The following CLCN5 variants were observed in gnomAD, a reference collection of about 807,000 sequenced individuals.
The protein encoded by CLCN5 is H(+)/Cl(-) exchange transporter 5.
Under a neutral mutation model 54.0 loss-of-function variants are expected in CLCN5, and 17 were observed. That is an observed-to-expected ratio of 0.31 (90% confidence interval 0.22 to 0.47). CLCN5 has a LOEUF of 0.47. Among genes scored for constraint, CLCN5 ranks in the 20% least tolerant of loss-of-function variants. The pLI is 1.00. For synonymous variants in CLCN5, 222 were observed against 233.0 expected, an observed-to-expected ratio of 0.95 and a Z score of 0.43; for missense variants, 448 against 646.7, an observed-to-expected ratio of 0.69 and a Z score of 3.33.
chrX:49,996,605 T>C (rs1472813291), intron 3 of CLCN5, among the ~76,000 whole-genome samples: 2 of 112,516 alleles, frequency 1.8e-5, no homozygotes, highest in Non-Finnish European at 3.8e-5. Context: ...TATTAAAACA[T>C]GTATTTTAAA....
At chrX:49,995,484 A>G (rs1929473607) in intron 3 of CLCN5, among the ~76,000 whole-genome samples, 1 of 111,696 alleles carries the variant, frequency 9.0e-6, no homozygotes, top group South Asian at 3.8e-4. Context: ...GCACAGTGCA[A>G]GTAACTGGAA....
intron 3 of CLCN5, chrX:50,003,214 C>T: frequency 2.6e-6 from 1 of 384,022 alleles, no homozygotes; most frequent in Non-Finnish European, 5.2e-6. Flanking sequence ...CCTCCCACAC[C>T]CAAGGCTTGC....
intron 3 of CLCN5, among the ~76,000 whole-genome samples, chrX:49,959,699 G>A (rs1360494577): frequency 9.0e-6 from 1 of 110,615 alleles, no homozygotes; most frequent in Non-Finnish European, 1.9e-5. Context: ...TCCTTTCATT[G>A]GCACAGACCT....
At chrX:50,068,410 G>C (rs1399790574) in intron 4 of CLCN5, among the ~76,000 whole-genome samples, 1 of 111,362 alleles carries the variant, frequency 9.0e-6, no homozygotes, top group African/African-American at 3.3e-5. Flanking sequence ...AGTCAGGTAC[G>C]AATGAAGATA....
At chrX:49,944,375 T>G (rs1926566122) in intron 3 of CLCN5, among the ~76,000 whole-genome samples, 1 of 111,484 alleles carries the variant, frequency 9.0e-6, no homozygotes, top group Non-Finnish European at 1.9e-5. Flanking sequence ...CTTCCTCTTT[T>G]CCTAATTGAA....
chrX:49,925,789 C>G (rs1879161112), intron 3 of CLCN5, among the ~76,000 whole-genome samples: 1 of 112,013 alleles, frequency 8.9e-6, no homozygotes, highest in African/African-American at 3.2e-5. Context: ...ATATTTGATA[C>G]AATATAAACA....
chrX:50,078,613 T>C (rs1269573103), intron 7 of CLCN5, among the ~76,000 whole-genome samples: 1 of 112,517 alleles, frequency 8.9e-6, no homozygotes, highest in East Asian at 2.8e-4. Context: ...TATGTGGACA[T>C]TTGTTTAACC....
chrX:50,062,070 C>T (rs1256623370), intron 4 of CLCN5, among the ~76,000 whole-genome samples: 1 of 106,703 alleles, frequency 9.4e-6, no homozygotes, highest in African/African-American at 3.6e-5. Flanking sequence ...AATGTAAAGA[C>T]CATCGAGACT....
At chrX:50,082,661 G>T (rs1026611192) in intron 9 of CLCN5, among the ~76,000 whole-genome samples, 1 of 111,148 alleles carries the variant, frequency 9.0e-6, no homozygotes, top group African/African-American at 3.3e-5. Flanking sequence ...GGAGAGTGAG[G>T]GGTAGTGAAG....
At chrX:50,011,790 A>G in intron 3 of CLCN5, among the ~76,000 whole-genome samples, 1 of 112,112 alleles carries the variant, frequency 8.9e-6, no homozygotes, top group Non-Finnish European at 1.9e-5. Flanking sequence ...CTGTAAACCC[A>G]TGTGAGCACA....
intron 4 of CLCN5, among the ~76,000 whole-genome samples, chrX:50,052,894 G>A (rs782021090): frequency 2.7e-5 from 3 of 111,730 alleles, no homozygotes; most frequent in African/African-American, 6.5e-5. Flanking sequence ...CAGTGTATAC[G>A]TATATAAAAA....
chrX:50,060,599 C>T (rs1302022964), intron 4 of CLCN5, among the ~76,000 whole-genome samples: 4 of 110,347 alleles, frequency 3.6e-5, no homozygotes, highest in Non-Finnish European at 7.6e-5. Context: ...CGCCATTGCC[C>T]AGGCTTGCTT....
chrX:49,991,382 C>T (rs2147358196), intron 3 of CLCN5, among the ~76,000 whole-genome samples: 1 of 111,651 alleles, frequency 9.0e-6, no homozygotes, highest in South Asian at 3.7e-4. Flanking sequence ...ATGTCCTTAG[C>T]CCACTTTTTG....
intron 3 of CLCN5, among the ~76,000 whole-genome samples, chrX:49,963,401 T>G (rs937095093): frequency 9.0e-6 from 1 of 111,483 alleles, no homozygotes; most frequent in Non-Finnish European, 1.9e-5. Context: ...ATATAACTTA[T>G]AGCATGCTCT....
At chrX:49,932,903 T>C (rs782638135) in intron 3 of CLCN5, among the ~76,000 whole-genome samples, 1 of 112,360 alleles carries the variant, frequency 8.9e-6, no homozygotes, top group East Asian at 2.8e-4. Flanking sequence ...CACATTGCAG[T>C]GTATTTGTAA....
At chrX:49,977,135 C>G (rs1412807574) in intron 3 of CLCN5, among the ~76,000 whole-genome samples, 1 of 110,798 alleles carries the variant, frequency 9.0e-6, no homozygotes, top group Non-Finnish European at 1.9e-5. Flanking sequence ...GGATTATTTG[C>G]TAAAGAAGCT....
intron 3 of CLCN5, among the ~76,000 whole-genome samples, chrX:49,940,609 T>C (rs1428403059): frequency 8.9e-6 from 1 of 112,414 alleles, no homozygotes; most frequent in East Asian, 2.8e-4. Flanking sequence ...TAATACCTAA[T>C]AGTGTCTTCC....
chrX:49,999,841 T>A (rs1439678329), intron 3 of CLCN5, among the ~76,000 whole-genome samples: 1 of 112,386 alleles, frequency 8.9e-6, no homozygotes, highest in African/African-American at 3.2e-5. Flanking sequence ...AGTCTGTACA[T>A]TAAAAGCCCC....
At chrX:50,015,403 A>G (rs1442959729) in intron 3 of CLCN5, among the ~76,000 whole-genome samples, 1 of 108,457 alleles carries the variant, frequency 9.2e-6, no homozygotes, top group Non-Finnish European at 1.9e-5. Flanking sequence ...TTAGATGTCT[A>G]TTACAGACTC....
Sources: allele counts gnomAD v4.1 joint callset (sites outside exome capture counted in the v4.1 genomes callset), GRCh38; gene constraint gnomAD v4.1.1; transcripts MANE v1.5; gene names NCBI Gene and HGNC (gene_info 2026-07-23, HGNC 2026-07-21).